The following RERG variants were observed in gnomAD, a reference collection of about 807,000 sequenced individuals.
The protein encoded by RERG is ras-related and estrogen-regulated growth inhibitor.
A neutral mutation model predicts 23.2 loss-of-function variants in RERG; 25 were observed. That is an observed-to-expected ratio of 1.08 (90% CI 0.79 to 1.50). The LOEUF is 1.50. Among genes scored for constraint, RERG ranks in the 40% most tolerant of loss-of-function variants. The pLI is 0.00. For missense variants in RERG, 253 were observed against 250.1 expected, an observed-to-expected ratio of 1.01 and a Z score of -0.08; for synonymous variants, 81 against 89.1, an observed-to-expected ratio of 0.91 and a Z score of 0.51.
At chr12:15,123,834 G>T (rs1863886136) in intron 2 of RERG, among the ~76,000 whole-genome samples, 1 of 151,920 alleles carries the variant, frequency 6.6e-6, no homozygotes, top group Non-Finnish European at 1.5e-5. Flanking sequence ...GAAGTTTTAA[G>T]GTTTGACATA....
chr12:15,172,293 T>TTA (rs1469845561), intron 2 of RERG, among the ~76,000 whole-genome samples: 2 of 152,196 alleles, frequency 1.3e-5, no homozygotes, highest in Non-Finnish European at 2.9e-5. Context: ...TTCATCCATG[T>TTA]TATAGCATGT....
intron 2 of RERG, chr12:15,137,917 TGTATC>T (rs1312707915): frequency 2.3e-6 from 1 of 432,326 alleles, no homozygotes; most frequent in Non-Finnish European, 4.6e-6. Context: ...CTCTGAAGAA[TGTATC>T]GTATCATTTT....
chr12:15,209,621 A>G (rs997589623), intron 2 of RERG, among the ~76,000 whole-genome samples: 9 of 152,200 alleles, frequency 5.9e-5, no homozygotes, highest in Non-Finnish European at 1.0e-4. Context: ...GGTTGATAAC[A>G]CACCTGGTAC....
chr12:15,117,349 G>A (rs1863741260), intron 3 of RERG, among the ~76,000 whole-genome samples: 1 of 152,050 alleles, frequency 6.6e-6, no homozygotes, highest in Non-Finnish European at 1.5e-5. Context: ...CAATCTCTAA[G>A]CTCCTTGCAG....
At chr12:15,207,593 C>G (rs1421513872) in intron 2 of RERG, among the ~76,000 whole-genome samples, 1 of 152,124 alleles carries the variant, frequency 6.6e-6, no homozygotes, top group Non-Finnish European at 1.5e-5. Context: ...CACAGTTGTG[C>G]TCTGATCTGT....
In RERG at chr12:15,190,425, C is replaced by G. The variant is rs1233051105; in HGVS notation, c.61+27004G>C. ...TGCTGTGCACAGGCCGCAGGTCGGA[C>G]AAGTTTGGTAAATAGTGGGAATGTC... On this transcript the variant is annotated intron_variant, in intron 2 of 4. Transcript: ENST00000256953. Among the ~76,000 whole-genome samples, 4 of 152,112 alleles carry G rather than the reference C, an allele frequency of 2.6e-5. No homozygotes were observed. The East Asian group carries it at 7.7e-4, about 29-fold the overall frequency.
At chr12:15,170,182 ATAAATGC>A (rs1311021053) in intron 2 of RERG, among the ~76,000 whole-genome samples, 2 of 152,310 alleles carry the variant, frequency 1.3e-5, no homozygotes, top group South Asian at 4.1e-4. Flanking sequence ...TTTAAATAAA[ATAAATGC>A]TTTGAGTTAT....
intron 2 of RERG, among the ~76,000 whole-genome samples, chr12:15,128,966 T>G (rs1175784616): frequency 6.6e-6 from 1 of 152,188 alleles, no homozygotes; most frequent in African/African-American, 2.4e-5. Flanking sequence ...GTTCATGTTC[T>G]TTTTTACAGC....
intron 2 of RERG, among the ~76,000 whole-genome samples, chr12:15,157,619 A>T (rs1864541596): frequency 6.6e-6 from 1 of 152,212 alleles, no homozygotes; most frequent in East Asian, 1.9e-4. Flanking sequence ...AAAACAATAC[A>T]AACATGAAAG....
At chr12:15,110,302 A>C (rs1482132191) in intron 4 of RERG, among the ~76,000 whole-genome samples, 6 of 152,156 alleles carry the variant, frequency 3.9e-5, no homozygotes, top group Non-Finnish European at 8.8e-5. Flanking sequence ...TCAGAGAATA[A>C]GTAGGTGGTG....
rs558438831 is a variant in RERG at position 15,211,971 on chromosome 12, C to T, written c.61+5458G>A. Among the ~76,000 whole-genome samples, 4 of 150,938 alleles carry T rather than the reference C, an allele frequency of 2.7e-5. No individual in the cohort carries two copies. The South Asian group carries it at 8.4e-4, about 32-fold the overall frequency. ...CTCACATTCACGTGGTATGCACAGC[C>T]GAGGCTACTTCTTATATCTGTGGTC... is the stretch of plus-strand genomic sequence containing the variant. On this transcript the variant is annotated intron_variant, in intron 2 of 4. Coordinates refer to ENST00000256953, the MANE Select transcript of RERG (RefSeq NM_032918.3).
At chr12:15,188,943 T>C (rs1320684879) in intron 2 of RERG, among the ~76,000 whole-genome samples, 1 of 152,160 alleles carries the variant, frequency 6.6e-6, no homozygotes, top group East Asian at 1.9e-4. Flanking sequence ...GATTTCTTGA[T>C]TTCTTGATCA....
intron 2 of RERG, among the ~76,000 whole-genome samples, chr12:15,194,221 C>T (rs528316265): frequency 7.9e-5 from 12 of 152,172 alleles, no homozygotes; most frequent in Non-Finnish European, 1.8e-4. Flanking sequence ...GTTCAGGCTG[C>T]GCTCTAAATA....
intron 3 of RERG, among the ~76,000 whole-genome samples, chr12:15,117,672 C>CGCGT (rs71842160): frequency 0.02 from 818 of 41,430 alleles, 3 homozygotes; most frequent in African/African-American, 0.055. Flanking sequence ...CCATCACACA[C>CGCGT]GCGCACACAC....
At chr12:15,208,457 A>G (rs1189671642) in intron 2 of RERG, among the ~76,000 whole-genome samples, 1 of 152,206 alleles carries the variant, frequency 6.6e-6, no homozygotes, top group Middle Eastern at 3.2e-3. Context: ...ATTTTAAAGC[A>G]CGTGTGGCAA....
intron 2 of RERG, among the ~76,000 whole-genome samples, chr12:15,126,877 C>T (rs1460239445): frequency 6.6e-6 from 1 of 150,794 alleles, no homozygotes; most frequent in Non-Finnish European, 1.5e-5. Context: ...CCCGCCACAC[C>T]CGGCTAATTT....
chr12:15,185,201 T>C (rs1223079225), intron 2 of RERG, among the ~76,000 whole-genome samples: 1 of 152,200 alleles, frequency 6.6e-6, no homozygotes, highest in African/African-American at 2.4e-5. Context: ...AATTCTGCCA[T>C]GTTTCAACAA....
intron 2 of RERG, among the ~76,000 whole-genome samples, chr12:15,212,160 C>T (rs1189309359): frequency 2.7e-5 from 4 of 147,610 alleles, no homozygotes; most frequent in Admixed American, 6.8e-5. Context: ...CCCGGGTTCA[C>T]GCCATTCTCC....
At chr12:15,212,368 CT>C (rs201188480) in intron 2 of RERG, among the ~76,000 whole-genome samples, 2,825 of 152,156 alleles carry the variant, frequency 0.019, 55 homozygotes, top group South Asian at 0.081. Context: ...CACGAATAAA[CT>C]TTTTATATCT....
Sources: gnomAD v4.1 joint callset for allele counts (sites outside exome capture counted in the v4.1 genomes callset) on GRCh38, gnomAD v4.1.1 for gene constraint, MANE v1.5 for transcripts, NCBI Gene and HGNC (gene_info 2026-07-23, HGNC 2026-07-21) for gene names.